The following ZDHHC21 variants were observed in gnomAD, a reference collection of about 807,000 sequenced individuals.
ZDHHC21 encodes the protein palmitoyltransferase ZDHHC21.
ZDHHC21 carries 15 observed loss-of-function variants against 34.6 expected under a neutral mutation model. That is an observed-to-expected ratio of 0.43 (90% CI 0.29 to 0.67). The LOEUF (loss-of-function observed/expected upper bound fraction) is 0.67, where lower values mean the gene tolerates loss of function less well. Ranked by LOEUF, ZDHHC21 falls within the 30% of genes least tolerant of loss-of-function variation. ZDHHC21 has a pLI of 0.14. For missense variants in ZDHHC21, 344 were observed against 327.7 expected (o/e 1.05, Z -0.38); for synonymous variants, 142 against 101.8 (o/e 1.40, Z -2.38).
intron 5 of ZDHHC21, among the ~76,000 whole-genome samples, chr9:14,664,781 G>A (rs1347385238): frequency 2.0e-5 from 3 of 151,614 alleles, no homozygotes; most frequent in Non-Finnish European, 2.9e-5. Flanking sequence ...ACCTGCAGCT[G>A]AGGGTCCTGT....
intron 7 of ZDHHC21, among the ~76,000 whole-genome samples, chr9:14,644,307 T>C (rs1288442716): frequency 2.0e-5 from 3 of 152,226 alleles, no homozygotes; most frequent in Admixed American, 6.5e-5. Context: ...TTACATCATC[T>C]ATGTGTAATG....
chr9:14,652,834 G>A (rs980727837), intron 7 of ZDHHC21, among the ~76,000 whole-genome samples: 3 of 151,740 alleles, frequency 2.0e-5, no homozygotes, highest in South Asian at 2.1e-4. Flanking sequence ...AAACACTTTC[G>A]CCTTAAAAAA....
intron 1 of ZDHHC21, 46 bp from the exon 2 acceptor site, chr9:14,690,431 T>A (rs766111639): frequency 2.3e-6 from 1 of 440,312 alleles, no homozygotes; most frequent in South Asian, 1.6e-5. Flanking sequence ...TTGGTTGACA[T>A]CACACTTGAG....
chr9:14,605,691 T>C, the ZDHHC21 span, among the ~76,000 whole-genome samples: 2 of 152,246 alleles, frequency 1.3e-5, no homozygotes, highest in African/African-American at 4.8e-5. Flanking sequence ...TTAAAGTTGA[T>C]GCAGTCCCAC....
chr9:14,678,558 C>G (rs1836828796), intron 3 of ZDHHC21, among the ~76,000 whole-genome samples: 1 of 152,078 alleles, frequency 6.6e-6, no homozygotes, highest in Admixed American at 6.6e-5. Context: ...AAAGGACACT[C>G]TCATACATTA....
At chr9:14,667,234 A>G (rs938668103) in intron 5 of ZDHHC21, among the ~76,000 whole-genome samples, 6 of 148,766 alleles carry the variant, frequency 4.0e-5, no homozygotes, top group South Asian at 2.2e-4. Flanking sequence ...CTACTCAAAT[A>G]AACTAGAAAA....
At chr9:14,643,143 G>A (rs566259698) in intron 7 of ZDHHC21, among the ~76,000 whole-genome samples, 42 of 152,266 alleles carry the variant, frequency 2.8e-4, no homozygotes, top group African/African-American at 9.9e-4. Context: ...GCTACTAGGC[G>A]GGGCTGAGGC....
chr9:14,659,808 T>C (rs892606081), intron 6 of ZDHHC21, among the ~76,000 whole-genome samples: 3 of 152,178 alleles, frequency 2.0e-5, no homozygotes, highest in African/African-American at 7.2e-5. Flanking sequence ...AGTGCATGTT[T>C]TGTAAACAAG....
Position 14,615,939 on chromosome 9 carries a change from C to T in ZDHHC21, c.*3027G>A, listed in dbSNP as rs1586855854. ...TACTGCTCACAATTATTTTCTAATGCCCAACACCTTTAGTTGTTTTCAGTT... is the reference window on the plus strand; with the variant it reads ...TACTGCTCACAATTATTTTCTAATGTCCAACACCTTTAGTTGTTTTCAGTT... On this transcript the variant is annotated 3_prime_UTR_variant, in exon 10 of 10. Coordinates refer to ENST00000380916, the MANE Select transcript of ZDHHC21 (RefSeq NM_178566.6). The T allele has an allele frequency of 1.3e-5, 2 of 151,476 alleles. No homozygotes were observed. Among genetic ancestry groups the T allele is most frequent in the Non-Finnish European group, 3.0e-5 (2 of 67,670 alleles). The allele number at this position is 151,476 out of a possible 1,614,324, so 9.4% of individuals were successfully genotyped here.
intron 5 of ZDHHC21, among the ~76,000 whole-genome samples, chr9:14,671,778 C>T (rs921263836): frequency 6.6e-6 from 1 of 152,024 alleles, no homozygotes; most frequent in African/African-American, 2.4e-5. Context: ...GAATTGTACA[C>T]TCTAACTGGG....
the ZDHHC21 span, among the ~76,000 whole-genome samples, chr9:14,600,197 G>T: frequency 0.52 from 79,667 of 151,974 alleles, 21,568 homozygotes; most frequent in Non-Finnish European, 0.6. Flanking sequence ...ATTCAAATAG[G>T]AAGAGAGGAA....
Position 14,613,054 on chromosome 9 carries a change from C to CTTCAAAATACAAGATA in ZDHHC21, c.*5911_*5912insTATCTTGTATTTTGAA, listed in dbSNP as rs1422412387. ...AACTTGTGAAAAGTGCTTCAATTATCTTTTGTAATTTCAGCCTATCAAACT... is the reference window on the plus strand; with the variant it reads ...AACTTGTGAAAAGTGCTTCAATTATCTTCAAAATACAAGATATTTTGTAATTTCAGCCTATCAAACT... On this transcript the variant is annotated 3_prime_UTR_variant, in exon 10 of 10. Coordinates refer to ENST00000380916, the MANE Select transcript of ZDHHC21 (RefSeq NM_178566.6). 5 of 151,838 alleles carry CTTCAAAATACAAGATA rather than the reference C, an allele frequency of 3.3e-5. No individual in the cohort carries two copies. In the East Asian group the frequency reaches 5.8e-4, roughly 18 times the overall value. The allele number at this position is 151,838 out of a possible 1,614,324, so 9.4% of individuals were successfully genotyped here. A position where few individuals can be genotyped will look rare whatever the true frequency, so the allele number is the denominator to read the frequency against.
intron 8 of ZDHHC21, among the ~76,000 whole-genome samples, chr9:14,637,448 C>G (rs973199481): frequency 1.6e-4 from 25 of 152,128 alleles, no homozygotes; most frequent in African/African-American, 6.0e-4. Flanking sequence ...GACAACTTCA[C>G]TGCAAATTCT....
At chr9:14,598,797 C>A in the ZDHHC21 span, among the ~76,000 whole-genome samples, 3 of 152,154 alleles carry the variant, frequency 2.0e-5, no homozygotes, top group Admixed American at 6.5e-5. Context: ...GTCACCCCAG[C>A]TGGAGTGCAG....
chr9:14,639,724 T>C (rs927227704), intron 8 of ZDHHC21, among the ~76,000 whole-genome samples, 172 bp downstream of exon 8: 5 of 152,158 alleles, frequency 3.3e-5, no homozygotes, highest in Admixed American at 2.6e-4. Context: ...CAAAATTGTG[T>C]ATACTTTGTA....
chr9:14,655,559 T>C (rs190051438), intron 7 of ZDHHC21, among the ~76,000 whole-genome samples: 3 of 152,058 alleles, frequency 2.0e-5, no homozygotes, highest in Admixed American at 1.3e-4. Flanking sequence ...AAAATGATGA[T>C]GACAGAGGGT....
intron 5 of ZDHHC21, among the ~76,000 whole-genome samples, chr9:14,671,815 T>C (rs971049416): frequency 1.8e-4 from 27 of 152,214 alleles, no homozygotes; most frequent in Non-Finnish European, 4.0e-4. Flanking sequence ...TAAATTATAC[T>C]CAATAAACCA....
chr9:14,604,376 T>C, the ZDHHC21 span, among the ~76,000 whole-genome samples: 1 of 152,220 alleles, frequency 6.6e-6, no homozygotes, highest in African/African-American at 2.4e-5. Context: ...AAAGATGTTT[T>C]GTTTAAAAAA....
At chr9:14,691,068 T>C (rs1460661124) in intron 1 of ZDHHC21, among the ~76,000 whole-genome samples, 1 of 152,198 alleles carries the variant, frequency 6.6e-6, no homozygotes, top group Non-Finnish European at 1.5e-5. Context: ...TTTTGCCTGG[T>C]AGTATTGATA....
Sources: gnomAD v4.1 joint callset for allele counts (sites outside exome capture counted in the v4.1 genomes callset) on GRCh38, gnomAD v4.1.1 for gene constraint, MANE v1.5 for transcripts, NCBI Gene and HGNC (gene_info 2026-07-23, HGNC 2026-07-21) for gene names.